The following ABCA13 variants were observed in gnomAD, a reference collection of about 807,000 sequenced individuals.
The protein encoded by ABCA13 is ATP-binding cassette sub-family A member 13.
A neutral mutation model predicts 478.7 loss-of-function variants in ABCA13; 476 were observed. That is an observed-to-expected ratio of 0.99 (90% CI 0.92 to 1.07). The LOEUF (loss-of-function observed/expected upper bound fraction) is 1.07, where lower values mean the gene tolerates loss of function less well. ABCA13 is among the 50% of genes least tolerant of loss of function. ABCA13 has a pLI of 0.00. For missense variants in ABCA13, 6,060 were observed against 5,910.6 expected (o/e 1.03, Z -0.83); for synonymous variants, 2,252 against 2,158.9 (o/e 1.04, Z -1.20).
chr7:48,534,667 A>G (rs999737905), intron 55 of ABCA13, among the ~76,000 whole-genome samples: 2 of 152,198 alleles, frequency 1.3e-5, no homozygotes, highest in African/African-American at 4.8e-5. Flanking sequence ...GATGCTTAAC[A>G]TAATCCCAAA....
intron 43 of ABCA13, 37 bp from the exon 44 acceptor site, chr7:48,466,919 T>C (rs1826938158): frequency 1.2e-6 from 2 of 1,603,926 alleles, no homozygotes; most frequent in Non-Finnish European, 1.7e-6. Context: ...CCACTAATAA[T>C]CCCACTTTGT....
chr7:48,218,983 C>T (rs1184904502), intron 3 of ABCA13, among the ~76,000 whole-genome samples: 1 of 152,148 alleles, frequency 6.6e-6, no homozygotes, highest in African/African-American at 2.4e-5. Flanking sequence ...TCTCTGTCTC[C>T]TCCTCATGCA....
At chr7:48,308,352 A>C (rs564554451) in intron 23 of ABCA13, among the ~76,000 whole-genome samples, 2 of 152,048 alleles carry the variant, frequency 1.3e-5, no homozygotes, top group Admixed American at 1.3e-4. Context: ...TTACAGTTAA[A>C]TTTTTTTTAA....
intron 43 of ABCA13, among the ~76,000 whole-genome samples, chr7:48,456,942 G>A (rs374305767): frequency 1.3e-5 from 2 of 151,898 alleles, no homozygotes; most frequent in African/African-American, 4.8e-5. Context: ...TATTTTTATG[G>A]TAGATAGTGC....
chr7:48,647,403 T>A lies in ABCA13; in HGVS notation c.*1891T>A, dbSNP rs1795492036. ...AGTTGTCAAAAGGAAATATGTAATCTTTTTATGATTGTTGAATCAATAAAT... is the reference window on the plus strand; with the variant it reads ...AGTTGTCAAAAGGAAATATGTAATCATTTTATGATTGTTGAATCAATAAAT... On this transcript the variant is annotated 3_prime_UTR_variant, in exon 62 of 62. Coordinates refer to ENST00000435803, the MANE Select transcript of ABCA13 (RefSeq NM_152701.5). 1 of 152,228 alleles carries A rather than the reference T, an allele frequency of 6.6e-6. No individual in the cohort carries two copies. Among genetic ancestry groups the A allele is most frequent in the African/African-American group, 2.4e-5 (1 of 41,458 alleles). 9.4% of individuals were successfully genotyped at this position (152,228 alleles called of 1,614,324 possible).
chr7:48,196,883 G>A (rs534272058), intron 2 of ABCA13, among the ~76,000 whole-genome samples: 148 of 152,284 alleles, frequency 9.7e-4, no homozygotes, highest in Non-Finnish European at 1.8e-3. Flanking sequence ...AGCTGGCCCC[G>A]TTCTTGTGCT....
At chr7:48,423,899 C>T (rs1181962558) in intron 41 of ABCA13, among the ~76,000 whole-genome samples, 1 of 152,146 alleles carries the variant, frequency 6.6e-6, no homozygotes, top group Non-Finnish European at 1.5e-5. Flanking sequence ...CTTGTAATTT[C>T]AGTGAAATTC....
intron 56 of ABCA13, 56 bp downstream of exon 56, chr7:48,580,430 C>T: frequency 6.4e-7 from 1 of 1,552,628 alleles, no homozygotes; most frequent in East Asian, 2.3e-5. Context: ...TGCTTGGTGA[C>T]CACCTCTGGC....
intron 41 of ABCA13, among the ~76,000 whole-genome samples, chr7:48,423,712 A>G (rs1009251231): frequency 1.3e-5 from 2 of 152,246 alleles, no homozygotes; most frequent in Non-Finnish European, 2.9e-5. Flanking sequence ...TGGATACACC[A>G]TAGGCATTGC....
intron 42 of ABCA13, among the ~76,000 whole-genome samples, chr7:48,437,448 G>A (rs1304957558): frequency 6.6e-6 from 1 of 151,834 alleles, no homozygotes; most frequent in Non-Finnish European, 1.5e-5. Context: ...CATGCATTTG[G>A]ATCCTGATTT....
At chr7:48,586,554 A>G (rs1305213858) in intron 56 of ABCA13, among the ~76,000 whole-genome samples, 1 of 152,116 alleles carries the variant, frequency 6.6e-6, no homozygotes, top group African/African-American at 2.4e-5. Flanking sequence ...CAAACATGGC[A>G]GCAGTAGACA....
chr7:48,246,439 G>A (rs1049542949), intron 13 of ABCA13, among the ~76,000 whole-genome samples: 2 of 152,150 alleles, frequency 1.3e-5, no homozygotes, highest in African/African-American at 4.8e-5. Context: ...AACTGCCCAG[G>A]ACAATGGGCT....
At chr7:48,437,410 A>G (rs1202108021) in intron 42 of ABCA13, among the ~76,000 whole-genome samples, 1 of 152,104 alleles carries the variant, frequency 6.6e-6, no homozygotes, top group Non-Finnish European at 1.5e-5. Flanking sequence ...GTGTATCCAT[A>G]GACTTAAAAT....
intron 27 of ABCA13, among the ~76,000 whole-genome samples, chr7:48,327,983 C>T (rs961273474): frequency 5.3e-5 from 8 of 152,204 alleles, no homozygotes; most frequent in Middle Eastern, 3.2e-3. Context: ...GACTGATCTT[C>T]AGGAGAATAT....
intron 55 of ABCA13, among the ~76,000 whole-genome samples, chr7:48,544,227 A>G (rs866000305): frequency 3.3e-5 from 5 of 151,928 alleles, no homozygotes; most frequent in Middle Eastern, 3.4e-3. Context: ...GAAGAAACCA[A>G]CAAACCTGAT....
intron 43 of ABCA13, among the ~76,000 whole-genome samples, chr7:48,464,741 C>G (rs1337603365): frequency 6.6e-6 from 1 of 152,098 alleles, no homozygotes; most frequent in African/African-American, 2.4e-5. Context: ...CAACTTGGTT[C>G]GACACATCAT....
At chr7:48,528,116 C>A in intron 54 of ABCA13, 120 bp from the exon 55 acceptor site, 1 of 770,102 alleles carries the variant, frequency 1.3e-6, no homozygotes, top group Non-Finnish European at 2.1e-6. Flanking sequence ...CCAGCAAAGT[C>A]AACTCAAAGT....
intron 42 of ABCA13, among the ~76,000 whole-genome samples, chr7:48,441,172 T>C (rs1328387950): frequency 2.0e-5 from 3 of 152,266 alleles, no homozygotes; most frequent in African/African-American, 7.2e-5. Flanking sequence ...TTTATGTTAC[T>C]TAGTAGATGT....
At chr7:48,392,597 C>T (rs1277100632) in intron 38 of ABCA13, among the ~76,000 whole-genome samples, 5 of 152,112 alleles carry the variant, frequency 3.3e-5, no homozygotes, top group Admixed American at 2.0e-4. Context: ...AAAAAAGAGC[C>T]TTATTAGTCA....
Sources: allele counts gnomAD v4.1 joint callset (sites outside exome capture counted in the v4.1 genomes callset), GRCh38; gene constraint gnomAD v4.1.1; transcripts MANE v1.5; gene names NCBI Gene and HGNC (gene_info 2026-07-23, HGNC 2026-07-21).